RBL1: variants seen among roughly 807,000 people sequenced by gnomAD.
The protein encoded by RBL1 is RB transcriptional corepressor like 1.
Under a neutral mutation model 123.0 loss-of-function variants are expected in RBL1, and 82 were observed. The ratio of observed to expected loss-of-function variants is 0.67; its 90% CI spans 0.56 to 0.80. The LOEUF is 0.80. RBL1 is among the 30% of genes least tolerant of loss of function. RBL1 has a pLI of 0.00. For synonymous variants in RBL1, 405 were observed against 441.3 expected, an observed-to-expected ratio of 0.92 and a Z score of 1.03; for missense variants, 1,171 against 1,299.6, an observed-to-expected ratio of 0.90 and a Z score of 1.52.
intron 19 of RBL1, among the ~76,000 whole-genome samples, chr20:37,009,969 G>A (rs1257240224): frequency 6.6e-6 from 1 of 151,826 alleles, no homozygotes; most frequent in African/African-American, 2.4e-5. Flanking sequence ...AGGTTGCAGT[G>A]AGCTATGATT....
chr20:37,018,441 G>A, intron 18 of RBL1, 72 bp from the exon 19 acceptor site: 1 of 1,508,712 alleles, frequency 6.6e-7, no homozygotes, highest in Non-Finnish European at 8.8e-7. Context: ...AAAGTGAGAA[G>A]AGCAAAATAT....
intron 2 of RBL1, among the ~76,000 whole-genome samples, chr20:37,086,483 G>C (rs2065547918): frequency 6.6e-6 from 1 of 152,060 alleles, no homozygotes; most frequent in Admixed American, 6.6e-5. Flanking sequence ...AGCTACTGGG[G>C]AGGCTGAGAT....
intron 19 of RBL1, among the ~76,000 whole-genome samples, chr20:37,014,492 A>G (rs2064218351): frequency 6.6e-6 from 1 of 152,106 alleles, no homozygotes; most frequent in Non-Finnish European, 1.5e-5. Context: ...GCTAATAAAT[A>G]TATCTAGTTA....
chr20:37,047,062 G>A lies in RBL1; in HGVS notation c.1596C>T (p.Tyr532=). The A allele has an allele frequency of 6.3e-7, 1 of 1,583,950 alleles. No homozygotes were observed. Among genetic ancestry groups the A allele is most frequent in the Non-Finnish European group, 8.5e-7 (1 of 1,173,242 alleles). Reference sequence around the variant, plus strand: ...TTTGTTTTCATCTCACCTTATAAAAGTAAAATGGTTGCAAGTTGAGAACTT... The same window carrying A: ...TTTGTTTTCATCTCACCTTATAAAAATAAAATGGTTGCAAGTTGAGAACTT... ...IIEVLNLQPF[Y]FYKVIEVVIR... The change falls in exon 12 of 22, where the codon TAC becomes TAT. Residue 532 remains tyrosine, a synonymous_variant. Coordinates refer to ENST00000373664, the MANE Select transcript of RBL1 (RefSeq NM_002895.5).
intron 20 of RBL1, among the ~76,000 whole-genome samples, chr20:37,004,935 C>T (rs533317519): frequency 5.3e-5 from 8 of 151,456 alleles, no homozygotes; most frequent in East Asian, 2.0e-4. Context: ...CCCTGCCACT[C>T]GGGAGGCTGA....
intron 21 of RBL1, 113 bp from the exon 22 acceptor site, chr20:36,999,042 T>G (rs764464511): frequency 5.1e-6 from 5 of 971,778 alleles, no homozygotes; most frequent in Non-Finnish European, 7.6e-6. Flanking sequence ...ATCTTAACAC[T>G]GGGATAAGGA....
intron 11 of RBL1, among the ~76,000 whole-genome samples, chr20:37,054,028 T>TACACACACAC (rs55898438): frequency 2.2e-4 from 32 of 146,952 alleles, no homozygotes; most frequent in African/African-American, 6.7e-4. Context: ...TACAATTTTA[T>TACACACACAC]ACACACACAC....
Position 37,022,813 on chromosome 20 carries a change from G to C in RBL1, c.2396C>G (p.Ala799Gly). The change falls in exon 17 of 22, where the codon GCA becomes GGA. Residue 799 changes from alanine (A) to glycine (G), a missense_variant. Transcript: ENST00000373664. ...ALFYRKVYHLASVRLRDLCLK... is the reference protein window; with the variant it reads ...ALFYRKVYHLGSVRLRDLCLK... Reference sequence around the variant, plus strand: ...ACATAGATCACGTAAGCGTACACTTGCCAAATGATAGACCTAAAATAGAAG... The same window carrying C: ...ACATAGATCACGTAAGCGTACACTTCCCAAATGATAGACCTAAAATAGAAG... The C allele has an allele frequency of 6.2e-7, 1 of 1,607,996 alleles. No homozygotes were observed.
At chr20:37,041,691 A>G (rs1379364675) in intron 13 of RBL1, among the ~76,000 whole-genome samples, 1 of 152,196 alleles carries the variant, frequency 6.6e-6, no homozygotes, top group Non-Finnish European at 1.5e-5. Flanking sequence ...GACATTTGAA[A>G]ATTTTTAAGT....
At chr20:37,015,764 C>T (rs1281131084) in intron 19 of RBL1, among the ~76,000 whole-genome samples, 1 of 151,220 alleles carries the variant, frequency 6.6e-6, no homozygotes, top group African/African-American at 2.4e-5. Flanking sequence ...CTAGCTCTGT[C>T]GCCCAGACTG....
chr20:37,000,504 C>T (rs559001806), intron 21 of RBL1, among the ~76,000 whole-genome samples: 7 of 134,300 alleles, frequency 5.2e-5, no homozygotes, highest in African/African-American at 1.4e-4. Context: ...CCGCCCCGTC[C>T]GGGAGGTGAG....
intron 2 of RBL1, 125 bp downstream of exon 2, chr20:37,088,864 A>T: frequency 1.6e-6 from 1 of 638,074 alleles, no homozygotes; most frequent in Non-Finnish European, 2.1e-6. Flanking sequence ...CTGCGTCTCA[A>T]AAATAAATAA....
intron 9 of RBL1, among the ~76,000 whole-genome samples, chr20:37,058,384 C>T (rs977258312): frequency 2.0e-5 from 3 of 151,160 alleles, no homozygotes; most frequent in African/African-American, 7.3e-5. Flanking sequence ...GGCATGGTGG[C>T]AGGCGCCTGT....
At chr20:37,056,581 C>T (rs1310116454) in intron 9 of RBL1, among the ~76,000 whole-genome samples, 1 of 151,972 alleles carries the variant, frequency 6.6e-6, no homozygotes, top group South Asian at 2.1e-4. Flanking sequence ...TCTAGATCTC[C>T]TAACCTTGTG....
At position 36,998,329 on chromosome 20, in the gene RBL1, G is replaced by A. The variant is rs1410448369; in HGVS notation, c.*430C>T. ...CACAACCTCCGCTTCCTGGGTTCAA[G>A]CAATTCTGCCTCAGCCTCCCAAGTA... On this transcript the variant is annotated 3_prime_UTR_variant, in exon 22 of 22. Transcript: ENST00000373664. 6.5e-6 allele frequency: 1 copy of A among 152,976 alleles called. No homozygotes were observed. Among genetic ancestry groups the A allele is most frequent in the African/African-American group, 2.4e-5 (1 of 41,446 alleles). 9.5% of individuals were successfully genotyped at this position (152,976 alleles called of 1,614,324 possible). A position where few individuals can be genotyped will look rare whatever the true frequency, so the allele number is the denominator to read the frequency against.
chr20:37,011,433 A>ATT (rs5841248), intron 19 of RBL1, among the ~76,000 whole-genome samples: 17,300 of 135,728 alleles, frequency 0.13, 1,284 homozygotes, highest in African/African-American at 0.16. Context: ...CAAGGTCAGA[A>ATT]TTTTTTTTTT....
At chr20:37,060,610 C>T (rs2065078288) in intron 9 of RBL1, among the ~76,000 whole-genome samples, 1 of 151,956 alleles carries the variant, frequency 6.6e-6, no homozygotes, top group South Asian at 2.1e-4. Context: ...CATGGCAAAA[C>T]CCTGTCTCTA....
rs535980122 is a variant in RBL1, at chr20:37,037,182, T to C, written c.1904-1674A>G. Among the ~76,000 whole-genome samples, 8 of 152,344 alleles carry C rather than the reference T, an allele frequency of 5.3e-5. No individual in the cohort carries two copies. The East Asian group carries it at 1.3e-3, about 26-fold the overall frequency. On this transcript the variant is annotated intron_variant, in intron 14 of 21. Transcript: ENST00000373664. ...TATCTAAGAAATCCACGCAAGCCCT[T>C]GAATCTGACTAGGCATGTTTAAAGG...
At chr20:37,058,042 T>C (rs1673491615) in intron 9 of RBL1, among the ~76,000 whole-genome samples, 1 of 150,728 alleles carries the variant, frequency 6.6e-6, no homozygotes, top group African/African-American at 2.4e-5. Flanking sequence ...GGAGAATCGA[T>C]TGAACCTGGG....
Sources: gnomAD v4.1 joint callset for allele counts (sites outside exome capture counted in the v4.1 genomes callset) on GRCh38, gnomAD v4.1.1 for gene constraint, MANE v1.5 for transcripts, NCBI Gene and HGNC (gene_info 2026-07-23, HGNC 2026-07-21) for gene names.